CALN1: variants seen among roughly 807,000 people sequenced by gnomAD.
The protein encoded by CALN1 is calcium-binding protein 8.
A neutral mutation model predicts 30.6 loss-of-function variants in CALN1; 17 were observed. That is an observed-to-expected ratio of 0.56 (90% CI 0.38 to 0.83). The LOEUF (loss-of-function observed/expected upper bound fraction) is 0.83, where lower values mean the gene tolerates loss of function less well. CALN1 is among the 40% of genes least tolerant of loss of function. CALN1 has a pLI of 0.00. For missense variants in CALN1, 291 were observed against 354.9 expected (o/e 0.82, Z 1.45); for synonymous variants, 156 against 131.4 (o/e 1.19, Z -1.28).
rs1423088379 is a variant in CALN1, at chr7:72,140,196, A to C, written c.245-33902T>G. On this transcript the variant is annotated intron_variant, in intron 3 of 6. Coordinates refer to ENST00000395275, the MANE Select transcript of CALN1 (RefSeq NM_031468.4). ...TGAGGCAAGAGGATCACTTGAGCCC[A>C]GGAGTTCAAGGCTGCAGTGAGTCAT... 2.0e-5 allele frequency among the ~76,000 whole-genome samples: 3 copies of C among 151,816 alleles called. No homozygotes were observed. The South Asian group carries it at 6.2e-4, about 32-fold the overall frequency.
At chr7:72,448,092 A>C (rs1283871872), upstream of CALN1, among the ~76,000 whole-genome samples, 1 of 151,310 alleles carries the variant, frequency 6.6e-6, no homozygotes, top group Admixed American at 6.6e-5. Flanking sequence ...ACACACACAC[A>C]CCTACCCAGG....
intron 2 of CALN1, among the ~76,000 whole-genome samples, chr7:72,339,006 T>G (rs1371835369): frequency 6.8e-6 from 1 of 146,948 alleles, no homozygotes; most frequent in Admixed American, 6.9e-5. Context: ...ACTGGTAGAT[T>G]CTCTATGTCC....
chr7:72,323,033 C>A (rs571757617), intron 2 of CALN1, among the ~76,000 whole-genome samples: 19 of 149,340 alleles, frequency 1.3e-4, no homozygotes, highest in Admixed American at 3.3e-4. Flanking sequence ...CGCAAAAAAA[C>A]CAATTTGTAA....
intron 2 of CALN1, among the ~76,000 whole-genome samples, chr7:72,358,279 G>A (rs1013087403): frequency 6.6e-6 from 1 of 151,962 alleles, no homozygotes; most frequent in Non-Finnish European, 1.5e-5. Context: ...ATAGGTGTGA[G>A]CCACTACCAC....
chr7:72,455,319 ATATGTGTGTGTG>A, the CALN1 span, among the ~76,000 whole-genome samples: 7 of 132,378 alleles, frequency 5.3e-5, no homozygotes, highest in African/African-American at 2.1e-4. Context: ...ATATATATAT[ATATGTGTGTGTG>A]TGTGTGTGTG....
At chr7:71,986,939 C>T (rs1057010262) in intron 5 of CALN1, among the ~76,000 whole-genome samples, 5 of 152,142 alleles carry the variant, frequency 3.3e-5, no homozygotes, top group East Asian at 1.9e-4. Flanking sequence ...ACCAGCCTGG[C>T]CAATATAACA....
At chr7:72,316,994 G>T (rs572510794) in intron 2 of CALN1, among the ~76,000 whole-genome samples, 62 of 144,342 alleles carry the variant, frequency 4.3e-4, no homozygotes, top group Middle Eastern at 6.9e-3. Flanking sequence ...AAAAAAAAAG[G>T]AAAGGAAAGG....
At chr7:72,306,621 TAA>T (rs755368348) in intron 2 of CALN1, among the ~76,000 whole-genome samples, 1 of 118,026 alleles carries the variant, frequency 8.5e-6, no homozygotes, top group Non-Finnish European at 1.7e-5. Context: ...ATTCCTGCTC[TAA>T]AAAAAAAAAG....
At chr7:72,098,248 A>G (rs577814811) in intron 4 of CALN1, among the ~76,000 whole-genome samples, 1 of 152,312 alleles carries the variant, frequency 6.6e-6, no homozygotes, top group South Asian at 2.1e-4. Context: ...GTGCTTGGTA[A>G]AAGTCACTTT....
intron 3 of CALN1, among the ~76,000 whole-genome samples, chr7:72,183,910 T>TC (rs1353099046): frequency 5.9e-5 from 9 of 152,116 alleles, no homozygotes; most frequent in Non-Finnish European, 1.0e-4. Context: ...AAACTGACTT[T>TC]TTTTTTTCTA....
chr7:72,114,056 G>A lies in CALN1; in HGVS notation c.245-7762C>T, dbSNP rs138723315. Among the ~76,000 whole-genome samples, 1,295 of 151,670 alleles carry A rather than the reference G, an allele frequency of 8.5e-3. 19 individuals carry two copies. The highest frequency in any genetic ancestry group is 0.03 in the African/African-American group (1,240 of 41,416). ...GATGGTGCTCAAGGAGAGCTCAGAT[G>A]TCAGAGTCTGGGAGAGGGATGATTT... On this transcript the variant is annotated intron_variant, in intron 3 of 6. Transcript: ENST00000395275.
intron 3 of CALN1, among the ~76,000 whole-genome samples, chr7:72,194,953 G>A (rs1790887651): frequency 6.6e-6 from 1 of 151,928 alleles, no homozygotes; most frequent in Non-Finnish European, 1.5e-5. Context: ...TATGGTTTAG[G>A]TTAAGATCAA....
chr7:72,468,290 A>G, the CALN1 span, among the ~76,000 whole-genome samples: 1 of 152,256 alleles, frequency 6.6e-6, no homozygotes, highest in East Asian at 1.9e-4. Flanking sequence ...ATCATATGGT[A>G]ATTCTGTGTT....
chr7:72,213,116 G>A (rs1792530263), intron 3 of CALN1, among the ~76,000 whole-genome samples: 1 of 152,198 alleles, frequency 6.6e-6, no homozygotes, highest in African/African-American at 2.4e-5. Flanking sequence ...CGTTCTGGCA[G>A]TAACCCTGCT....
chr7:72,234,057 GAAAC>G lies in CALN1; in HGVS notation c.244+44625_244+44628del, dbSNP rs769407423. On this transcript the variant is annotated intron_variant, in intron 3 of 6. Transcript: ENST00000395275. The stretch of plus-strand genomic sequence containing the variant: ...CAAACTAAATTAAGCTAGAAAAAGA[GAAAC>G]AAAGAGGAAACATAACAATAGAAAG... Among the ~76,000 whole-genome samples, 13 of 152,160 alleles carry G rather than the reference GAAAC, an allele frequency of 8.5e-5. No individual in the cohort carries two copies. The East Asian group carries it at 2.1e-3, about 25-fold the overall frequency.
intron 5 of CALN1, among the ~76,000 whole-genome samples, chr7:71,897,192 T>C (rs1322543011): frequency 1.3e-5 from 2 of 152,218 alleles, no homozygotes; most frequent in Non-Finnish European, 2.9e-5. Context: ...CACAGGCCTT[T>C]CGTTGTGAAT....
intron 3 of CALN1, among the ~76,000 whole-genome samples, chr7:72,270,128 T>G: frequency 6.6e-6 from 1 of 151,648 alleles, no homozygotes; most frequent in Non-Finnish European, 1.5e-5. Context: ...TGTGTGTGTG[T>G]TGAGAGAGAG....
chr7:71,837,097 T>C (rs1789658017), intron 5 of CALN1, among the ~76,000 whole-genome samples: 1 of 151,324 alleles, frequency 6.6e-6, no homozygotes, highest in Non-Finnish European at 1.5e-5. Flanking sequence ...TCGGGCATGG[T>C]AGCACGGGCC....
intron 1 of CALN1, among the ~76,000 whole-genome samples, chr7:72,441,528 G>A (rs1406367837): frequency 1.3e-5 from 2 of 149,836 alleles, no homozygotes; most frequent in East Asian, 2.0e-4. Context: ...AACCCAGGAG[G>A]CAGAGTTTGC....
Sources: gnomAD v4.1 joint callset for allele counts (sites outside exome capture counted in the v4.1 genomes callset) on GRCh38, gnomAD v4.1.1 for gene constraint, MANE v1.5 for transcripts, NCBI Gene and HGNC (gene_info 2026-07-23, HGNC 2026-07-21) for gene names.